The following NRAP variants were observed in gnomAD, a reference collection of about 807,000 sequenced individuals.
NRAP encodes nebulin related anchoring protein.
Under a neutral mutation model 225.9 loss-of-function variants are expected in NRAP, and 189 were observed. The observed-to-expected ratio is 0.84, with a 90% CI of 0.74 to 0.94. NRAP has a LOEUF of 0.94. NRAP is among the 40% of genes least tolerant of loss of function. NRAP has a pLI of 0.00. For synonymous variants in NRAP, 769 were observed against 790.7 expected (o/e 0.97, Z 0.46); for missense variants, 2,176 against 2,168.7 (o/e 1.00, Z -0.07).
At chr10:113,615,077 A>C in intron 27 of NRAP, 131 bp from the exon 28 acceptor site, 2 of 458,218 alleles carry the variant, frequency 4.4e-6, no homozygotes, top group Non-Finnish European at 4.3e-6. Flanking sequence ...GTTAGAGATC[A>C]TGGTGGCTTA....
rs750179343 is a variant in NRAP, at chr10:113,663,457, T to C, written c.73-11A>G. ...GGCTTTATGCCATATCTAGAAATCA[T>C]ATAGAGAAGATTTAGCAATTACCCT... On this transcript the variant is annotated splice_polypyrimidine_tract_variant and intron_variant, in intron 1 of 41. Coordinates refer to ENST00000359988, the MANE Select transcript of NRAP (RefSeq NM_198060.4). 6 of 1,536,688 alleles carry C rather than the reference T, an allele frequency of 3.9e-6. No individual in the cohort carries two copies. The highest frequency in any genetic ancestry group is 5.4e-6 in the Non-Finnish European group (6 of 1,109,892).
chr10:113,603,547 G>T (rs771255213), intron 35 of NRAP, among the ~76,000 whole-genome samples: 2 of 152,090 alleles, frequency 1.3e-5, no homozygotes, highest in East Asian at 1.9e-4. Context: ...GACTGCTTTC[G>T]CAAGTTTAAA....
rs1847638376 is a variant in NRAP at position 113,615,930 on chromosome 10, T to A, written c.2974-114A>T. On this transcript the variant is annotated intron_variant, in intron 26 of 41. Transcript: ENST00000359988. ...CAGCTGCCACCTCCTCATAGAGACA[T>A]GATTTCGGGCACCCTGCCTCCACCC... The A allele has an allele frequency of 5.8e-6, 4 of 690,588 alleles. No homozygotes were observed. In the South Asian group the frequency reaches 6.4e-5, roughly 11 times the overall value. 42.8% of individuals were successfully genotyped at this position (690,588 alleles called of 1,614,324 possible).
intron 35 of NRAP, among the ~76,000 whole-genome samples, chr10:113,599,859 T>G (rs1476235802): frequency 6.6e-6 from 1 of 152,156 alleles, no homozygotes; most frequent in East Asian, 1.9e-4. Context: ...GCCTCACTTT[T>G]TTTCCCCTCT....
At chr10:113,644,010 T>C (rs1849356203) in intron 11 of NRAP, among the ~76,000 whole-genome samples, 1 of 151,542 alleles carries the variant, frequency 6.6e-6, no homozygotes, top group Non-Finnish European at 1.5e-5. Flanking sequence ...TAGCTGGGCA[T>C]GGTGGTGGGC....
intron 32 of NRAP, among the ~76,000 whole-genome samples, chr10:113,607,437 GA>G (rs1847060109): frequency 1.2e-5 from 1 of 86,170 alleles, no homozygotes; most frequent in Non-Finnish European, 2.5e-5. Flanking sequence ...AAAAAAAAAA[GA>G]AAAGAAAGAA....
Position 113,640,294 on chromosome 10 carries a change from T to C in NRAP, c.1361A>G (p.Asp454Gly). The change falls in exon 14 of 42, where the codon GAC becomes GGC. Residue 454 changes from aspartate (D) to glycine (G), a missense_variant. Transcript: ENST00000359988. ...CGTGAGAGTGGCTGGGTAGTTGTAG[T>C]CGACAATATCATGTTTATAATCAGC... Reference protein sequence around the residue: ...YKADYKHDIVDYNYPATLTPS... With the variant: ...YKADYKHDIVGYNYPATLTPS... 1 of 1,602,098 alleles carries C rather than the reference T, an allele frequency of 6.2e-7. No individual in the cohort carries two copies. Among genetic ancestry groups the C allele is most frequent in the Non-Finnish European group, 8.5e-7 (1 of 1,174,456 alleles).
intron 9 of NRAP, 84 bp downstream of exon 9, chr10:113,649,952 CT>C: frequency 3.8e-6 from 3 of 782,722 alleles, no homozygotes; most frequent in East Asian, 2.5e-5. Flanking sequence ...AGCCCCACCC[CT>C]GATTAAATTG....
chr10:113,589,432 C>G (rs1845802948), intron 41 of NRAP: 1 of 597,304 alleles, frequency 1.7e-6, no homozygotes, highest in South Asian at 2.2e-5. Flanking sequence ...GTAGGTTTGC[C>G]TCTGCAGAAC....
At chr10:113,593,841 A>T (rs1002840343) in intron 38 of NRAP, among the ~76,000 whole-genome samples, 2 of 152,238 alleles carry the variant, frequency 1.3e-5, no homozygotes, top group Non-Finnish European at 2.9e-5. Context: ...ACCAAACTTG[A>T]TGCAACATCG....
At chr10:113,620,008 C>T (rs1847896432) in intron 25 of NRAP, among the ~76,000 whole-genome samples, 1 of 152,182 alleles carries the variant, frequency 6.6e-6, no homozygotes. Context: ...AAAATCAAAA[C>T]GTCAGTAGTG....
intron 35 of NRAP, among the ~76,000 whole-genome samples, chr10:113,603,132 G>C (rs895607765): frequency 1.3e-5 from 2 of 152,190 alleles, no homozygotes; most frequent in Non-Finnish European, 1.5e-5. Context: ...GATGTGAGAC[G>C]CAGTGCCTGC....
chr10:113,594,462 C>A (rs973930958), intron 38 of NRAP, among the ~76,000 whole-genome samples: 1 of 152,190 alleles, frequency 6.6e-6, no homozygotes, highest in Non-Finnish European at 1.5e-5. Context: ...AATGCACTGG[C>A]AGCTTTATCC....
intron 25 of NRAP, among the ~76,000 whole-genome samples, chr10:113,618,837 T>C (rs2133968800): frequency 6.6e-6 from 1 of 152,186 alleles, no homozygotes; most frequent in East Asian, 1.9e-4. Context: ...TCTCAGCTAC[T>C]CAAGAGGCTG....
Position 113,588,989 on chromosome 10 carries a change from C to T in NRAP, c.5179G>A (p.Ala1727Thr). Reference sequence around the variant, plus strand: ...GTGGACATGGCTCACAACAGCAGGGCCTTCTTCTTTTTGACGTGCAGAATC... The same window carrying T: ...GTGGACATGGCTCACAACAGCAGGGTCTTCTTCTTTTTGACGTGCAGAATC... ...TEILHVKKKK[A>T]LLL The change falls in exon 42 of 42, where the codon GCC (alanine) becomes ACC (threonine). Residue 1727 changes from alanine (A) to threonine (T), a missense_variant. Physicochemically the swap from Ala to Thr is moderately conservative, Grantham distance 58. Coordinates refer to ENST00000359988, the MANE Select transcript of NRAP (RefSeq NM_198060.4). The T allele has an allele frequency of 6.2e-7, 1 of 1,613,532 alleles. No homozygotes were observed.
rs549664189 is a variant in NRAP, at chr10:113,626,119, C to T, written c.2172G>A (p.Glu724=). The T allele has an allele frequency of 3.1e-6, 5 of 1,610,346 alleles. No homozygotes were observed. In the South Asian group the frequency reaches 4.5e-5, roughly 14 times the overall value. Residue 724 remains glutamate (E), a synonymous_variant, in exon 21 of 42, where the codon GAG becomes GAA. Coordinates refer to ENST00000359988, the MANE Select transcript of NRAP (RefSeq NM_198060.4). ...TGTCGGTCACGCTGGTGAACTTCAG[C>T]TCATCGACCCTCTGCCGGTAGTTTT... ...SEKNYRQRVD[E]LKFTSVTDSS...
At chr10:113,621,766 A>G (rs1250376635) in intron 24 of NRAP, 103 bp downstream of exon 24, 3 of 1,061,790 alleles carry the variant, frequency 2.8e-6, no homozygotes, top group African/African-American at 1.6e-5. Context: ...CAGGTGTCCC[A>G]TAGCATAAAT....
intron 16 of NRAP, 39 bp downstream of exon 16, chr10:113,633,045 T>C: frequency 9.7e-7 from 1 of 1,035,368 alleles, no homozygotes; most frequent in Non-Finnish European, 1.5e-6. Context: ...CACATCGCTC[T>C]ATAACCCCCT....
In NRAP at chr10:113,629,645, C is replaced by G; in HGVS notation, c.1983G>C (p.Val661=). The G allele has an allele frequency of 6.2e-7, 1 of 1,614,098 alleles. No homozygotes were observed. Among genetic ancestry groups the G allele is most frequent in the Non-Finnish European group, 8.5e-7 (1 of 1,179,922 alleles). ...DYRKKLHEYT[V]LPEDMKTQWA... is the part of the protein sequence containing the mutation. The stretch of plus-strand genomic sequence containing the variant: ...ACTGAGTCTTCATATCTTCAGGCAG[C>G]ACAGTGTATTCATGCAGTTTCTTCC... Residue 661 remains valine, a synonymous_variant, in exon 19 of 42, where the codon GTG becomes GTC. Coordinates refer to ENST00000359988, the MANE Select transcript of NRAP (RefSeq NM_198060.4).
Sources: gnomAD v4.1 joint callset for allele counts (sites outside exome capture counted in the v4.1 genomes callset) on GRCh38, gnomAD v4.1.1 for gene constraint, MANE v1.5 for transcripts, NCBI Gene and HGNC (gene_info 2026-07-23, HGNC 2026-07-21) for gene names.